The following FAM114A2 variants were observed in gnomAD, a reference collection of about 807,000 sequenced individuals.
FAM114A2 encodes the protein family with sequence similarity 114 member A2.
In FAM114A2, 53 loss-of-function variants were observed where a neutral mutation model predicts 58.4. The ratio of observed to expected loss-of-function variants is 0.91; its 90% CI spans 0.73 to 1.14. The LOEUF is 1.14. Ranked by LOEUF, FAM114A2 falls within the 50% of genes most tolerant of loss-of-function variation. FAM114A2 has a pLI of 0.00. For synonymous variants in FAM114A2, 228 were observed against 211.4 expected, an observed-to-expected ratio of 1.08 and a Z score of -0.68; for missense variants, 601 against 581.1, an observed-to-expected ratio of 1.03 and a Z score of -0.35.
intron 11 of FAM114A2, among the ~76,000 whole-genome samples, chr5:153,999,544 G>T (rs1257683906): frequency 6.6e-6 from 1 of 150,620 alleles, no homozygotes; most frequent in Non-Finnish European, 1.5e-5. Flanking sequence ...GGAGGCAGAA[G>T]AATCACTTGA....
Position 154,028,145 on chromosome 5 carries a change from G to A in FAM114A2, c.630+4C>T. The A allele has an allele frequency of 1.2e-6, 2 of 1,607,176 alleles. No individual in the cohort carries two copies. Among genetic ancestry groups the A allele is most frequent in the East Asian group, 2.2e-5 (1 of 44,820 alleles). On this transcript the variant is annotated splice_donor_region_variant and intron_variant, in intron 6 of 13. Coordinates refer to ENST00000351797, the MANE Select transcript of FAM114A2 (RefSeq NM_018691.4). The stretch of plus-strand genomic sequence containing the variant: ...GGAAGTAAACAGGTAAGGATAATCA[G>A]TACCTGAGATAGTGTAGCATTTCGG...
chr5:153,995,081 A>T (rs892990315), intron 12 of FAM114A2, 109 bp from the exon 13 acceptor site: 6 of 727,318 alleles, frequency 8.2e-6, no homozygotes, highest in Non-Finnish European at 1.5e-5. Flanking sequence ...AATATTAAAT[A>T]TAAGCACAGA....
At chr5:154,014,987 C>A (rs562337350) in intron 8 of FAM114A2, among the ~76,000 whole-genome samples, 1 of 152,228 alleles carries the variant, frequency 6.6e-6, no homozygotes, top group South Asian at 2.1e-4. Flanking sequence ...GTGAGACTGG[C>A]CCTTTGGGTT....
intron 11 of FAM114A2, among the ~76,000 whole-genome samples, chr5:153,999,957 A>G (rs1769863044): frequency 6.6e-6 from 1 of 151,820 alleles, no homozygotes; most frequent in Non-Finnish European, 1.5e-5. Flanking sequence ...GTGTGTATAT[A>G]TATGTGTGTG....
Position 153,990,988 on chromosome 5 carries a change from CT to C in FAM114A2, c.*1987del, listed in dbSNP as rs1769226933. On this transcript the variant is annotated 3_prime_UTR_variant, in exon 14 of 14. Transcript: ENST00000351797. ...TCTACTGGATCAAGGAATCTTAATT[CT>C]TTTTCAGTATATTTTATGTGAAGAG... is the stretch of plus-strand genomic sequence containing the variant. 6.6e-6 allele frequency: 1 copy of C among 151,800 alleles called. No individual in the cohort carries two copies. Among genetic ancestry groups the C allele is most frequent in the South Asian group, 2.1e-4 (1 of 4,794 alleles). 9.4% of individuals were successfully genotyped at this position (151,800 alleles called of 1,614,324 possible).
In FAM114A2 at chr5:154,013,722, G is replaced by A. The variant is rs60176751; in HGVS notation, c.914-2402C>T. 2.7e-3 allele frequency among the ~76,000 whole-genome samples: 416 copies of A among 152,264 alleles called. 2 individuals are homozygous for A. The highest frequency in any genetic ancestry group is 7.4e-3 in the African/African-American group (307 of 41,566). On this transcript the variant is annotated intron_variant, in intron 8 of 13. Transcript: ENST00000351797. Reference sequence around the variant, plus strand: ...AACAAATAAGTTTATAAATAACTGAGGACTGTCATGTCAAGGCTTGATTAG... The same window carrying A: ...AACAAATAAGTTTATAAATAACTGAAGACTGTCATGTCAAGGCTTGATTAG...
intron 9 of FAM114A2, among the ~76,000 whole-genome samples, chr5:154,005,302 A>G (rs937945054): frequency 6.6e-6 from 1 of 152,170 alleles, no homozygotes; most frequent in Non-Finnish European, 1.5e-5. Flanking sequence ...TTTGGCTCCA[A>G]AAGTTGGCAA....
intron 12 of FAM114A2, 105 bp from the exon 13 acceptor site, chr5:153,995,077 A>C: frequency 1.4e-6 from 1 of 737,514 alleles, no homozygotes; most frequent in South Asian, 1.6e-5. Context: ...CATAAATATT[A>C]AATATAAGCA....
intron 8 of FAM114A2, among the ~76,000 whole-genome samples, chr5:154,017,991 G>A (rs551917982): frequency 1.3e-5 from 2 of 152,144 alleles, no homozygotes; most frequent in African/African-American, 4.8e-5. Context: ...ACAATCTAAA[G>A]TCACACCTCA....
chr5:154,004,679 A>G (rs1004143997), intron 9 of FAM114A2, among the ~76,000 whole-genome samples: 1 of 152,012 alleles, frequency 6.6e-6, no homozygotes, highest in Non-Finnish European at 1.5e-5. Flanking sequence ...TCTCCAACCA[A>G]TCACCAAGAT....
chr5:154,038,274 C>A (rs1772729589), intron 1 of FAM114A2: 1 of 152,172 alleles, frequency 6.6e-6, no homozygotes, highest in East Asian at 1.9e-4. Flanking sequence ...TATATATACA[C>A]TCCACCCGCC....
In FAM114A2 at chr5:154,027,167, T is replaced by C. The variant is rs750575059; in HGVS notation, c.789+9A>G. On this transcript the variant is annotated intron_variant, in intron 7 of 13. Coordinates refer to ENST00000351797, the MANE Select transcript of FAM114A2 (RefSeq NM_018691.4). The stretch of plus-strand genomic sequence containing the variant: ...ACTTTTTCCAGTTGAGATTTTGGCT[T>C]GGAATTACCTTTATTTCACTTTCTT... 4 of 1,598,870 alleles carry C rather than the reference T, an allele frequency of 2.5e-6. No homozygotes were observed. The highest frequency in any genetic ancestry group is 3.4e-6 in the Non-Finnish European group (4 of 1,175,066).
At chr5:154,008,587 A>G (rs921174785) in intron 9 of FAM114A2, among the ~76,000 whole-genome samples, 3 of 152,164 alleles carry the variant, frequency 2.0e-5, no homozygotes, top group Non-Finnish European at 4.4e-5. Context: ...AATTATCTTC[A>G]GACTATGTGT....
At chr5:154,038,263 G>A (rs1381388555) in intron 1 of FAM114A2, 1 of 152,012 alleles carries the variant, frequency 6.6e-6, no homozygotes, top group African/African-American at 2.4e-5. Context: ...TATATATTAC[G>A]TATATATACA....
At chr5:153,994,690 G>C (rs909430117) in intron 13 of FAM114A2, 2 of 463,586 alleles carry the variant, frequency 4.3e-6, no homozygotes, top group Non-Finnish European at 7.8e-6. Flanking sequence ...TTAGTACTAA[G>C]TAATGACAAT....
At chr5:153,998,020 C>T (rs1341784863) in intron 11 of FAM114A2, 145 bp from the exon 12 acceptor site, 1 of 503,632 alleles carries the variant, frequency 2.0e-6, no homozygotes, top group Non-Finnish European at 3.6e-6. Context: ...ACAGTATCCC[C>T]CCCTTATCTG....
At position 153,992,775 on chromosome 5, in the gene FAM114A2, T is replaced by G. The variant is rs1769314277; in HGVS notation, c.*201A>C. ...GTTTCTTTTCAAATAATTTATGAAT[T>G]ACAACAACTGGAAAGAATACTGTGA... On this transcript the variant is annotated 3_prime_UTR_variant, in exon 14 of 14. Coordinates refer to ENST00000351797, the MANE Select transcript of FAM114A2 (RefSeq NM_018691.4). 2.6e-6 allele frequency: 1 copy of G among 390,620 alleles called. No individual in the cohort carries two copies. Among genetic ancestry groups the G allele is most frequent in the African/African-American group, 2.1e-5 (1 of 48,424 alleles). 24.2% of individuals were successfully genotyped at this position (390,620 alleles called of 1,614,324 possible). A position where few individuals can be genotyped will look rare whatever the true frequency, so the allele number is the denominator to read the frequency against.
chr5:154,000,832 C>A (rs1769921808), intron 11 of FAM114A2, among the ~76,000 whole-genome samples: 1 of 152,114 alleles, frequency 6.6e-6, no homozygotes, highest in Admixed American at 6.6e-5. Context: ...ACATCATACT[C>A]AAAATACCCT....
intron 13 of FAM114A2, 75 bp from the exon 14 acceptor site, chr5:153,993,185 G>A: frequency 1.7e-6 from 2 of 1,183,724 alleles, no homozygotes; most frequent in South Asian, 1.8e-5. Flanking sequence ...AGGCAACAGG[G>A]GAACAGATTA....
Sources: gnomAD v4.1 joint callset for allele counts (sites outside exome capture counted in the v4.1 genomes callset) on GRCh38, gnomAD v4.1.1 for gene constraint, MANE v1.5 for transcripts, NCBI Gene and HGNC (gene_info 2026-07-23, HGNC 2026-07-21) for gene names.